NRG3: variants seen among roughly 807,000 people sequenced by gnomAD.
The protein encoded by NRG3 is pro-neuregulin-3, membrane-bound isoform.
NRG3 carries 31 observed loss-of-function variants against 66.9 expected under a neutral mutation model. The ratio of observed to expected loss-of-function variants is 0.46; its 90% CI spans 0.35 to 0.63. The LOEUF (loss-of-function observed/expected upper bound fraction) is 0.63. Among genes scored for constraint, NRG3 ranks in the 20% least tolerant of loss-of-function variants. The pLI is 0.00. For missense variants in NRG3, 910 were observed against 878.9 expected (o/e 1.04, Z -0.45); for synonymous variants, 393 against 359.4 (o/e 1.09, Z -1.06).
At chr10:82,778,036 TG>T (rs138667517) in intron 3 of NRG3, among the ~76,000 whole-genome samples, 11,852 of 152,200 alleles carry the variant, frequency 0.078, 599 homozygotes, top group East Asian at 0.22. Flanking sequence ...TCTTTTTCCC[TG>T]GGGGGAAGGG....
intron 1 of NRG3, among the ~76,000 whole-genome samples, chr10:82,337,006 T>C (rs2082425372): frequency 6.6e-6 from 1 of 152,210 alleles, no homozygotes; most frequent in Admixed American, 6.6e-5. Context: ...TCTTTTTTTT[T>C]CTCAAATGGT....
intron 2 of NRG3, among the ~76,000 whole-genome samples, chr10:82,608,084 T>G (rs1390113299): frequency 6.6e-6 from 1 of 152,190 alleles, no homozygotes. Context: ...CATGTAAGTT[T>G]CTTGCAAGGC....
rs1842492840 is a variant in NRG3, at chr10:82,883,813, G to T, written c.1054+18376G>T. On this transcript the variant is annotated intron_variant, in intron 4 of 8. Transcript: ENST00000372141. Reference sequence around the variant, plus strand: ...TTGAAACTTAGTTGAGAGAATGCATGTCATACTTCCAGAGTAGCTCATATG... The same window carrying T: ...TTGAAACTTAGTTGAGAGAATGCATTTCATACTTCCAGAGTAGCTCATATG... 1.3e-5 allele frequency among the ~76,000 whole-genome samples: 2 copies of T among 152,088 alleles called. 1 individual carries two copies. Among genetic ancestry groups the T allele is most frequent in the Admixed American group, 1.3e-4 (2 of 15,264 alleles).
chr10:81,985,552 T>C (rs1199625044), intron 1 of NRG3, among the ~76,000 whole-genome samples: 2 of 152,202 alleles, frequency 1.3e-5, no homozygotes, highest in Non-Finnish European at 2.9e-5. Context: ...TTGTAAGAAC[T>C]CCTAATTCCA....
At chr10:82,720,837 ATAT>A (rs1327131031) in intron 2 of NRG3, among the ~76,000 whole-genome samples, 6 of 105,762 alleles carry the variant, frequency 5.7e-5, no homozygotes, top group Non-Finnish European at 1.1e-4. Context: ...ATATATATAT[ATAT>A]ATCACCCATC....
chr10:82,673,485 C>T (rs1263952640), intron 2 of NRG3, among the ~76,000 whole-genome samples: 1 of 152,052 alleles, frequency 6.6e-6, no homozygotes, highest in East Asian at 1.9e-4. Context: ...TTCTAAGAAC[C>T]TATTGATGAC....
At chr10:82,166,871 T>A (rs2072107110) in intron 1 of NRG3, 1 of 620,620 alleles carries the variant, frequency 1.6e-6, no homozygotes, top group Admixed American at 2.3e-5. Flanking sequence ...CTGAAAGGTA[T>A]TTTTTTCTCA....
chr10:82,810,627 C>T (rs2061451513), intron 3 of NRG3, among the ~76,000 whole-genome samples: 1 of 150,554 alleles, frequency 6.6e-6, no homozygotes, highest in Non-Finnish European at 1.5e-5. Context: ...GCCAGGCGTG[C>T]TGGTGGGTGC....
chr10:82,253,734 CTT>C (rs2077588648), intron 1 of NRG3, among the ~76,000 whole-genome samples: 1 of 152,172 alleles, frequency 6.6e-6, no homozygotes, highest in Admixed American at 6.5e-5. Context: ...TGCTTTAAAA[CTT>C]TAGTGTCATT....
At chr10:82,132,454 T>C (rs2068898052) in intron 1 of NRG3, among the ~76,000 whole-genome samples, 1 of 127,428 alleles carries the variant, frequency 7.8e-6, no homozygotes, top group African/African-American at 3.2e-5. Context: ...CTTTTATATA[T>C]ATATGATATA....
intron 1 of NRG3, among the ~76,000 whole-genome samples, chr10:81,951,549 T>C (rs1849357311): frequency 6.6e-6 from 1 of 152,186 alleles, no homozygotes; most frequent in East Asian, 1.9e-4. Context: ...CAACTGCTCC[T>C]AGAAAAAGTG....
At chr10:82,472,296 G>A (rs912781840) in intron 2 of NRG3, among the ~76,000 whole-genome samples, 6 of 152,196 alleles carry the variant, frequency 3.9e-5, no homozygotes, top group Non-Finnish European at 7.3e-5. Context: ...GACATAGCGA[G>A]ATGGAGATAC....
chr10:82,403,558 G>T (rs1008529676), intron 2 of NRG3, among the ~76,000 whole-genome samples: 7 of 152,088 alleles, frequency 4.6e-5, no homozygotes, highest in Non-Finnish European at 5.9e-5. Flanking sequence ...TTTCCCCAAT[G>T]ACATCTATTT....
chr10:82,218,822 T>C (rs2075806492), intron 1 of NRG3, among the ~76,000 whole-genome samples: 1 of 152,152 alleles, frequency 6.6e-6, no homozygotes, highest in Non-Finnish European at 1.5e-5. Flanking sequence ...TTTCACCTTA[T>C]GGACATTTGG....
At chr10:82,971,618 G>T (rs1851750155) in intron 6 of NRG3, among the ~76,000 whole-genome samples, 1 of 151,884 alleles carries the variant, frequency 6.6e-6, no homozygotes, top group South Asian at 2.1e-4. Context: ...TGTACTTTTA[G>T]TAGAGACAGG....
chr10:82,314,037 TTG>T (rs2081173579), intron 1 of NRG3, among the ~76,000 whole-genome samples: 6 of 152,240 alleles, frequency 3.9e-5, no homozygotes, highest in African/African-American at 1.4e-4. Context: ...GGCAAGTTAC[TTG>T]ACTTCTCATT....
At chr10:82,570,671 A>G (rs1439034800) in intron 2 of NRG3, among the ~76,000 whole-genome samples, 4 of 151,602 alleles carry the variant, frequency 2.6e-5, no homozygotes, top group Non-Finnish European at 5.9e-5. Context: ...AATATGCTTA[A>G]AAACAGTTAA....
At chr10:82,246,134 G>A (rs568104612) in intron 1 of NRG3, among the ~76,000 whole-genome samples, 10 of 151,776 alleles carry the variant, frequency 6.6e-5, no homozygotes, top group East Asian at 3.9e-4. Flanking sequence ...TGCAGTTTTC[G>A]CATGTAACTA....
intron 2 of NRG3, among the ~76,000 whole-genome samples, chr10:82,405,184 C>T (rs747950837): frequency 2.1e-4 from 32 of 152,082 alleles, no homozygotes; most frequent in Non-Finnish European, 4.0e-4. Context: ...TGGCAAGTCA[C>T]ATATTATATT....
Sources: gnomAD v4.1 joint callset for allele counts (sites outside exome capture counted in the v4.1 genomes callset) on GRCh38, gnomAD v4.1.1 for gene constraint, MANE v1.5 for transcripts, NCBI Gene and HGNC (gene_info 2026-07-23, HGNC 2026-07-21) for gene names.